The following SLC12A8 variants were observed in gnomAD, a reference collection of about 807,000 sequenced individuals.
The protein encoded by SLC12A8 is cation-chloride cotransporter 9.
A neutral mutation model predicts 75.6 loss-of-function variants in SLC12A8; 69 were observed. That is an observed-to-expected ratio of 0.91 (90% CI 0.75 to 1.11). The LOEUF is 1.11. Among genes scored for constraint, SLC12A8 ranks in the 50% most tolerant of loss-of-function variants. SLC12A8 has a pLI of 0.00. For synonymous variants in SLC12A8, 365 were observed against 372.8 expected (o/e 0.98, Z 0.24); for missense variants, 877 against 896.7 (o/e 0.98, Z 0.28).
At chr3:125,118,641 A>T in intron 8 of SLC12A8, 128 bp downstream of exon 8, 1 of 630,576 alleles carries the variant, frequency 1.6e-6, no homozygotes, top group Non-Finnish European at 2.7e-6. Context: ...AAAATAAATT[A>T]ATTAAATTTT....
At chr3:125,174,144 AC>A (rs1423696221) in intron 5 of SLC12A8, among the ~76,000 whole-genome samples, 1 of 152,230 alleles carries the variant, frequency 6.6e-6, no homozygotes, top group Non-Finnish European at 1.5e-5. Context: ...AAACAAAAAA[AC>A]ACAAGTTTTT....
chr3:125,157,679 G>T (rs567863472), intron 5 of SLC12A8, among the ~76,000 whole-genome samples: 3 of 152,178 alleles, frequency 2.0e-5, no homozygotes, highest in Admixed American at 2.0e-4. Context: ...CTGTTCCTTG[G>T]GATCACCATC....
chr3:125,152,645 C>A (rs536690261), intron 5 of SLC12A8, among the ~76,000 whole-genome samples: 2 of 152,012 alleles, frequency 1.3e-5, no homozygotes, highest in Non-Finnish European at 2.9e-5. Context: ...ACCCCTCCCC[C>A]CAAACTCAAA....
intron 10 of SLC12A8, 76 bp downstream of exon 10, chr3:125,107,405 C>T (rs1939054680): frequency 3.7e-6 from 5 of 1,348,562 alleles, no homozygotes; most frequent in Admixed American, 2.2e-5. Context: ...ATAACTGGTT[C>T]ACAATAACTG....
chr3:125,146,623 G>C (rs1031808829), intron 5 of SLC12A8, among the ~76,000 whole-genome samples: 3 of 152,204 alleles, frequency 2.0e-5, no homozygotes, highest in Admixed American at 2.0e-4. Flanking sequence ...GGGGCTTCCT[G>C]GCCAAGGATG....
chr3:125,154,218 C>G (rs753128614), intron 5 of SLC12A8, among the ~76,000 whole-genome samples: 3 of 152,184 alleles, frequency 2.0e-5, no homozygotes, highest in Non-Finnish European at 4.4e-5. Context: ...TCAGCAGCTT[C>G]GCAAACTGCA....
chr3:125,112,138 TTGG>T (rs371698981), intron 8 of SLC12A8, among the ~76,000 whole-genome samples: 84 of 152,340 alleles, frequency 5.5e-4, no homozygotes, highest in African/African-American at 1.9e-3. Context: ...TTCAAGACCA[TTGG>T]TGGAATAACC....
intron 3 of SLC12A8, 89 bp downstream of exon 3, chr3:125,190,286 T>G: frequency 7.1e-7 from 1 of 1,398,838 alleles, no homozygotes; most frequent in Middle Eastern, 1.8e-4. Flanking sequence ...GCTTCAGGAA[T>G]CTGTGGCCTG....
chr3:125,202,157 A>C (rs1001810843), intron 2 of SLC12A8, among the ~76,000 whole-genome samples: 3 of 152,116 alleles, frequency 2.0e-5, no homozygotes, highest in Non-Finnish European at 4.4e-5. Flanking sequence ...TGATCTGCTC[A>C]CCTCGGCCTC....
chr3:125,156,739 T>G (rs1203577102), intron 5 of SLC12A8, among the ~76,000 whole-genome samples: 1 of 152,190 alleles, frequency 6.6e-6, no homozygotes, highest in Non-Finnish European at 1.5e-5. Context: ...CAGTCCAGGC[T>G]GTGTCTTCTC....
chr3:125,178,895 T>A lies in SLC12A8; in HGVS notation c.391-921A>T, dbSNP rs558735886. 3.1e-4 allele frequency among the ~76,000 whole-genome samples: 47 copies of A among 152,358 alleles called. No individual in the cohort carries two copies. In the South Asian group the frequency reaches 3.1e-3, roughly 10 times the overall value. The stretch of plus-strand genomic sequence containing the variant: ...GAGTATTTGTTATATAATCTTTTTT[T>A]AAAAAAATGAAATGAAATCCTTGGC... On this transcript the variant is annotated intron_variant, in intron 4 of 13. Coordinates refer to ENST00000469902, the MANE Select transcript of SLC12A8 (RefSeq NM_024628.6).
chr3:125,170,860 A>G (rs1359431025), intron 5 of SLC12A8, among the ~76,000 whole-genome samples: 1 of 152,212 alleles, frequency 6.6e-6, no homozygotes, highest in Non-Finnish European at 1.5e-5. Flanking sequence ...GCTTGCAGTG[A>G]GCCGAGATCA....
At chr3:125,198,944 A>AT (rs534695218) in intron 2 of SLC12A8, among the ~76,000 whole-genome samples, 40 of 151,704 alleles carry the variant, frequency 2.6e-4, no homozygotes, top group South Asian at 8.4e-4. Flanking sequence ...CGCCCGGCTA[A>AT]TTTTTTTGAA....
At chr3:125,198,461 C>T (rs1156252157) in intron 2 of SLC12A8, among the ~76,000 whole-genome samples, 1 of 151,960 alleles carries the variant, frequency 6.6e-6, no homozygotes, top group Non-Finnish European at 1.5e-5. Flanking sequence ...GGTGAAACCC[C>T]ACCTCTACTA....
intron 5 of SLC12A8, among the ~76,000 whole-genome samples, chr3:125,157,643 G>A (rs537651726): frequency 7.2e-5 from 11 of 152,216 alleles, no homozygotes; most frequent in Admixed American, 4.6e-4. Flanking sequence ...TCTTCCATGC[G>A]CGCTGAGTCT....
intron 12 of SLC12A8, 102 bp downstream of exon 12, chr3:125,091,337 C>T: frequency 1.3e-6 from 1 of 764,610 alleles, no homozygotes; most frequent in Non-Finnish European, 2.3e-6. Flanking sequence ...GGATTCACAT[C>T]TGAATCAGTG....
chr3:125,127,039 A>G (rs1180021407), intron 6 of SLC12A8, among the ~76,000 whole-genome samples: 1 of 152,246 alleles, frequency 6.6e-6, no homozygotes, highest in Non-Finnish European at 1.5e-5. Flanking sequence ...AGCACCTAGC[A>G]CAGTGGCTGG....
At chr3:125,126,157 T>A (rs1219923326) in intron 6 of SLC12A8, among the ~76,000 whole-genome samples, 1 of 152,242 alleles carries the variant, frequency 6.6e-6, no homozygotes, top group Non-Finnish European at 1.5e-5. Flanking sequence ...TCCACCCCAG[T>A]CCTGGGGCCT....
At chr3:125,208,787 C>CAGAGAGAG (rs1560087661) in intron 2 of SLC12A8, among the ~76,000 whole-genome samples, 8 of 106,400 alleles carry the variant, frequency 7.5e-5, no homozygotes, top group Admixed American at 3.9e-4. Context: ...CACACACACA[C>CAGAGAGAG]ACACAGAGAG....
Sources: gnomAD v4.1 joint callset for allele counts (sites outside exome capture counted in the v4.1 genomes callset) on GRCh38, gnomAD v4.1.1 for gene constraint, MANE v1.5 for transcripts, NCBI Gene and HGNC (gene_info 2026-07-23, HGNC 2026-07-21) for gene names.